The following SP140 variants were observed in gnomAD, a reference collection of about 807,000 sequenced individuals.
SP140 encodes nuclear body protein SP140.
A neutral mutation model predicts 125.0 loss-of-function variants in SP140; 81 were observed. The ratio of observed to expected loss-of-function variants is 0.65; its 90% CI spans 0.54 to 0.78. The LOEUF (loss-of-function observed/expected upper bound fraction) is 0.78. SP140 is among the 30% of genes least tolerant of loss of function. The probability of loss-of-function intolerance (pLI) is 0.00; values close to 1 mark genes in which losing one functional copy is unlikely to be tolerated. For synonymous variants in SP140, 312 were observed against 354.0 expected (o/e 0.88, Z 1.33); for missense variants, 858 against 1,037.0 (o/e 0.83, Z 2.37).
chr2:230,264,229 T>G (rs2052712111), intron 12 of SP140, among the ~76,000 whole-genome samples: 1 of 152,170 alleles, frequency 6.6e-6, no homozygotes, highest in Non-Finnish European at 1.5e-5. Flanking sequence ...GTCTTTGAGC[T>G]CTGAATTTCT....
chr2:230,309,854 A>T, intron 22 of SP140, 70 bp from the exon 23 acceptor site: 1 of 1,514,766 alleles, frequency 6.6e-7, no homozygotes, highest in Non-Finnish European at 9.1e-7. Context: ...AGTGTGTTCT[A>T]GTTGCCCAGA....
chr2:230,238,094 T>C, intron 2 of SP140, 119 bp from the exon 3 acceptor site: 1 of 695,330 alleles, frequency 1.4e-6, no homozygotes, highest in South Asian at 2.3e-5. Context: ...TAAGAAGTCA[T>C]CCAAATATAC....
chr2:230,227,612 A>G (rs1339045243), intron 1 of SP140, among the ~76,000 whole-genome samples: 2 of 152,196 alleles, frequency 1.3e-5, no homozygotes, highest in Non-Finnish European at 2.9e-5. Context: ...TCTTTAATAG[A>G]TGTAGGCCTA....
intron 4 of SP140, among the ~76,000 whole-genome samples, chr2:230,243,373 A>C (rs927822044): frequency 6.6e-6 from 1 of 152,200 alleles, no homozygotes; most frequent in Non-Finnish European, 1.5e-5. Flanking sequence ...AAGAGAAAAA[A>C]TTTGCAGGAG....
At chr2:230,253,030 A>G (rs1180120497) in intron 10 of SP140, among the ~76,000 whole-genome samples, 1 of 152,174 alleles carries the variant, frequency 6.6e-6, no homozygotes, top group Non-Finnish European at 1.5e-5. Flanking sequence ...AAATAATAGA[A>G]AAGAGATACA....
intron 20 of SP140, among the ~76,000 whole-genome samples, chr2:230,293,310 G>A (rs547484028): frequency 6.6e-6 from 1 of 152,228 alleles, no homozygotes; most frequent in Admixed American, 6.5e-5. Flanking sequence ...TTCTAGGATT[G>A]GAAATGACAT....
rs1317857292 is a variant in SP140 at position 230,266,852 on chromosome 2, TCTG to T, written c.1241-2673_1241-2671del. Among the ~76,000 whole-genome samples, 6 of 152,346 alleles carry T rather than the reference TCTG, an allele frequency of 3.9e-5. No homozygotes were observed. In the East Asian group the frequency reaches 9.6e-4, roughly 24 times the overall value. On this transcript the variant is annotated intron_variant, in intron 12 of 26. Transcript: ENST00000392045. Reference sequence around the variant, plus strand: ...ACACTTTGAATCTCTGACTTCCTCTTCTGCTGCTGGCTAGAGAAAACTCCCTGC... The same window carrying T: ...ACACTTTGAATCTCTGACTTCCTCTTCTGCTGGCTAGAGAAAACTCCCTGC...
At chr2:230,200,573 C>T (rs781423237), upstream of SP140, 12 of 414,612 alleles carry the variant, frequency 2.9e-5, no homozygotes, top group African/African-American at 6.1e-5. Flanking sequence ...CATGAATATA[C>T]TTAGGACACT....
chr2:230,242,039 C>G (rs113027127), intron 4 of SP140, among the ~76,000 whole-genome samples: 1 of 151,734 alleles, frequency 6.6e-6, no homozygotes, highest in Non-Finnish European at 1.5e-5. Flanking sequence ...ATAGTGTTGG[C>G]AGATAGAAGA....
intron 11 of SP140, 107 bp from the exon 12 acceptor site, chr2:230,255,345 C>A: frequency 7.5e-7 from 1 of 1,327,812 alleles, no homozygotes; most frequent in Non-Finnish European, 1.1e-6. Flanking sequence ...GGGGACAGCC[C>A]TACCTGAGAG....
chr2:230,274,511 T>C (rs984596860), intron 15 of SP140, among the ~76,000 whole-genome samples: 1 of 152,180 alleles, frequency 6.6e-6, no homozygotes, highest in Non-Finnish European at 1.5e-5. Context: ...AAAAGGCTCC[T>C]CTGTGGCCTC....
At chr2:230,209,431 T>A (rs1435245213) in intron 1 of SP140, among the ~76,000 whole-genome samples, 1 of 152,076 alleles carries the variant, frequency 6.6e-6, no homozygotes, top group Non-Finnish European at 1.5e-5. Context: ...TGGATGATAT[T>A]GATGATGAGT....
intron 3 of SP140, chr2:230,215,246 T>G: frequency 1.3e-6 from 1 of 762,664 alleles, no homozygotes; most frequent in Non-Finnish European, 2.2e-6. Flanking sequence ...ATAAAATATA[T>G]AGTCACATTC....
chr2:230,199,845 A>G (rs1307466522), upstream of SP140, among the ~76,000 whole-genome samples: 1 of 152,220 alleles, frequency 6.6e-6, no homozygotes, highest in Non-Finnish European at 1.5e-5. Context: ...AAGGTTTGAC[A>G]GTATTCTTTC....
chr2:230,283,782 G>C (rs2055967506), intron 15 of SP140, among the ~76,000 whole-genome samples: 1 of 152,186 alleles, frequency 6.6e-6, no homozygotes, highest in South Asian at 2.1e-4. Context: ...ATGAGTTTCT[G>C]GGGTCACCAT....
chr2:230,293,395 G>A (rs565681460), intron 20 of SP140, among the ~76,000 whole-genome samples: 8 of 152,312 alleles, frequency 5.3e-5, no homozygotes, highest in African/African-American at 1.9e-4. Context: ...GGAGTGCAGT[G>A]GCTCAATCTC....
intron 1 of SP140, among the ~76,000 whole-genome samples, chr2:230,208,921 T>C (rs919343711): frequency 1.3e-5 from 2 of 152,026 alleles, no homozygotes; most frequent in African/African-American, 4.8e-5. Flanking sequence ...TGTGAGTTAG[T>C]GTCAATGTTA....
chr2:230,200,985 A>G, upstream of SP140: 1 of 1,578,802 alleles, frequency 6.3e-7, no homozygotes, highest in Non-Finnish European at 8.7e-7. Flanking sequence ...GAAAGATCTT[A>G]GTAAATGCCC....
At chr2:230,221,634 C>A (rs1221612213), upstream of SP140, 1 of 1,387,538 alleles carries the variant, frequency 7.2e-7, no homozygotes, top group South Asian at 1.2e-5. Context: ...TAACATACAG[C>A]GCTGTGATGC....
Sources: allele counts gnomAD v4.1 joint callset (sites outside exome capture counted in the v4.1 genomes callset), GRCh38; gene constraint gnomAD v4.1.1; transcripts MANE v1.5; gene names NCBI Gene and HGNC (gene_info 2026-07-23, HGNC 2026-07-21).